WDR31: variants seen among roughly 807,000 people sequenced by gnomAD.
WDR31 encodes WD repeat-containing protein 31.
A neutral mutation model predicts 47.3 loss-of-function variants in WDR31; 30 were observed. The observed-to-expected ratio is 0.63, with a 90% CI of 0.47 to 0.86. WDR31 has a LOEUF of 0.86. Ranked by LOEUF, WDR31 falls within the 40% of genes least tolerant of loss-of-function variation. The probability of loss-of-function intolerance (pLI) is 0.00; values close to 1 mark genes in which losing one functional copy is unlikely to be tolerated. For synonymous variants in WDR31, 137 were observed against 159.4 expected (o/e 0.86, Z 1.06); for missense variants, 406 against 442.9 (o/e 0.92, Z 0.75).
At chr9:113,319,099 A>G (rs1833272972) in intron 9 of WDR31, among the ~76,000 whole-genome samples, 1 of 152,190 alleles carries the variant, frequency 6.6e-6, no homozygotes, top group African/African-American at 2.4e-5. Flanking sequence ...AAGTACATCT[A>G]GGTGCAGACA....
intron 5 of WDR31, among the ~76,000 whole-genome samples, chr9:113,323,688 T>C (rs1209730724): frequency 6.6e-6 from 1 of 152,264 alleles, no homozygotes; most frequent in Admixed American, 6.5e-5. Context: ...GATTTCCTCC[T>C]GTCCTTCAGG....
chr9:113,337,463 G>T (rs1376469367), intron 1 of WDR31, among the ~76,000 whole-genome samples: 3 of 137,698 alleles, frequency 2.2e-5, no homozygotes, highest in Admixed American at 7.3e-5. Flanking sequence ...GAGCATTTTG[G>T]ATTTTTTTTT....
chr9:113,334,176 C>T (rs1833665571), intron 2 of WDR31, among the ~76,000 whole-genome samples: 1 of 151,728 alleles, frequency 6.6e-6, no homozygotes. Flanking sequence ...GCTAATTTTT[C>T]TGTGTTTTTT....
At chr9:113,329,457 A>G (rs777866702) in intron 4 of WDR31, among the ~76,000 whole-genome samples, 5 of 151,466 alleles carry the variant, frequency 3.3e-5, no homozygotes, top group Non-Finnish European at 5.9e-5. Flanking sequence ...ACTGACCAAC[A>G]TGGAGAAACC....
intron 1 of WDR31, among the ~76,000 whole-genome samples, chr9:113,337,159 T>C (rs921038405): frequency 1.3e-5 from 2 of 152,212 alleles, no homozygotes; most frequent in African/African-American, 4.8e-5. Flanking sequence ...TTGTGAATTA[T>C]AGCTCAACTG....
chr9:113,326,752 G>A, intron 5 of WDR31, among the ~76,000 whole-genome samples: 1 of 151,996 alleles, frequency 6.6e-6, no homozygotes. Context: ...GGGATTTTAG[G>A]AATGAGCTAC....
intron 5 of WDR31, among the ~76,000 whole-genome samples, chr9:113,326,396 TTTCC>T (rs1434264361): frequency 6.6e-6 from 1 of 151,956 alleles, no homozygotes; most frequent in East Asian, 1.9e-4. Flanking sequence ...CTTTTCTTTC[TTTCC>T]TTCTTTCCGT....
At chr9:113,325,698 T>C (rs553031183) in intron 5 of WDR31, among the ~76,000 whole-genome samples, 2 of 151,944 alleles carry the variant, frequency 1.3e-5, no homozygotes, top group Non-Finnish European at 2.9e-5. Context: ...TTTTATCTAG[T>C]CTATTATCAT....
At chr9:113,327,648 C>T (rs1215329082) in intron 5 of WDR31, among the ~76,000 whole-genome samples, 2 of 152,186 alleles carry the variant, frequency 1.3e-5, no homozygotes, top group Admixed American at 6.5e-5. Context: ...CACCACCATG[C>T]CTGGCTAATT....
Position 113,323,145 on chromosome 9 carries a change from A to T in WDR31, c.335T>A (p.Ile112Asn). The change falls in exon 6 of 11, where the codon ATT becomes AAT. Residue 112 changes from isoleucine (I) to asparagine (N), a missense_variant. By Grantham distance (149) the Ile-to-Asn change is moderately radical. Transcript: ENST00000374193. ...ACTGAAGAACTGGCTGGATTTGGGA[A>T]TACAGGCTACCTGCTCAGGGAAAAA... ...HEHEITKVACIPKSSQFFSAS... is the reference protein window; with the variant it reads ...HEHEITKVACNPKSSQFFSAS... 1 of 1,613,746 alleles carries T rather than the reference A, an allele frequency of 6.2e-7. No homozygotes were observed. The highest frequency in any genetic ancestry group is 2.2e-5 in the East Asian group (1 of 44,890).
At chr9:113,338,493 AT>A (rs1433445062) in intron 1 of WDR31, among the ~76,000 whole-genome samples, 23 of 152,298 alleles carry the variant, frequency 1.5e-4, no homozygotes, top group African/African-American at 5.5e-4. Flanking sequence ...AGGAGGTATA[AT>A]TTCTGGTTCA....
chr9:113,331,259 G>C, intron 3 of WDR31, 143 bp from the exon 4 acceptor site: 1 of 586,108 alleles, frequency 1.7e-6, no homozygotes, highest in Non-Finnish European at 2.7e-6. Context: ...GAAGAGAAGG[G>C]AGACCCATTT....
intron 5 of WDR31, among the ~76,000 whole-genome samples, chr9:113,328,498 T>C (rs1299002903): frequency 6.6e-6 from 1 of 152,244 alleles, no homozygotes; most frequent in Non-Finnish European, 1.5e-5. Flanking sequence ...GAATGTTCAT[T>C]AAATGTCCCC....
At chr9:113,331,779 AAACTATTCAGGGAAGGCC>A (rs1564311646) in intron 3 of WDR31, 110 bp downstream of exon 3, 6 of 798,458 alleles carry the variant, frequency 7.5e-6, no homozygotes, top group South Asian at 3.5e-5. Context: ...AAAACACACT[AAACTATTCAGGGAAGGCC>A]AACTATTCAG....
intron 2 of WDR31, among the ~76,000 whole-genome samples, chr9:113,334,703 C>CTTTTTTT (rs71367719): frequency 1.0e-3 from 66 of 63,016 alleles, no homozygotes; most frequent in East Asian, 1.8e-3. Flanking sequence ...CTACATCAGG[C>CTTTTTTT]TTTTTTTTTT....
chr9:113,317,800 A>T (rs937436209), intron 10 of WDR31, among the ~76,000 whole-genome samples: 27 of 152,252 alleles, frequency 1.8e-4, no homozygotes, highest in African/African-American at 6.5e-4. Context: ...GGGTGCTGGT[A>T]AACCAGCTTT....
intron 4 of WDR31, among the ~76,000 whole-genome samples, chr9:113,330,415 T>C (rs1244373352): frequency 2.6e-5 from 4 of 152,126 alleles, no homozygotes; most frequent in African/African-American, 9.7e-5. Context: ...ATTAGTATTA[T>C]TCACTACAAA....
chr9:113,320,299 C>T, intron 9 of WDR31, 58 bp downstream of exon 9: 1 of 1,595,416 alleles, frequency 6.3e-7, no homozygotes, highest in Non-Finnish European at 8.5e-7. Flanking sequence ...GGCATGAGGC[C>T]AGAGTAAGTG....
At chr9:113,319,439 C>A (rs1255037877) in intron 9 of WDR31, among the ~76,000 whole-genome samples, 3 of 152,104 alleles carry the variant, frequency 2.0e-5, no homozygotes, top group Non-Finnish European at 4.4e-5. Context: ...GCCTCTATTT[C>A]CTTGTCTGTG....
Sources: allele counts gnomAD v4.1 joint callset (sites outside exome capture counted in the v4.1 genomes callset), GRCh38; gene constraint gnomAD v4.1.1; transcripts MANE v1.5; gene names NCBI Gene and HGNC (gene_info 2026-07-23, HGNC 2026-07-21).